The following STK3 variants were observed in gnomAD, a reference collection of about 807,000 sequenced individuals.
The protein encoded by STK3 is serine/threonine kinase 3.
Under a neutral mutation model 58.0 loss-of-function variants are expected in STK3, and 41 were observed. That is an observed-to-expected ratio of 0.71 (90% CI 0.55 to 0.92). The LOEUF (loss-of-function observed/expected upper bound fraction) is 0.92, where lower values mean the gene tolerates loss of function less well. Ranked by LOEUF, STK3 falls within the 40% of genes least tolerant of loss-of-function variation. The pLI, the probability that STK3 is intolerant of heterozygous loss-of-function variation, is 0.00. For synonymous variants in STK3, 170 were observed against 191.0 expected (o/e 0.89, Z 0.91); for missense variants, 479 against 602.7 (o/e 0.79, Z 2.15).
At chr8:98,507,385 T>C (rs1430209263) in intron 10 of STK3, among the ~76,000 whole-genome samples, 2 of 152,192 alleles carry the variant, frequency 1.3e-5, no homozygotes, top group African/African-American at 4.8e-5. Flanking sequence ...TTCATTCTCA[T>C]ATTCAGTCAG....
intron 6 of STK3, among the ~76,000 whole-genome samples, chr8:98,638,762 G>C (rs1819797632): frequency 6.6e-6 from 1 of 152,168 alleles, no homozygotes; most frequent in Non-Finnish European, 1.5e-5. Flanking sequence ...GGCAGCAGTG[G>C]GGTCAGAGCA....
intron 4 of STK3, among the ~76,000 whole-genome samples, chr8:98,735,441 C>G (rs1330233312): frequency 6.6e-6 from 1 of 152,064 alleles, no homozygotes; most frequent in Non-Finnish European, 1.5e-5. Flanking sequence ...AAATCAGTTA[C>G]TGAATGTGAA....
intron 1 of STK3, among the ~76,000 whole-genome samples, chr8:98,904,178 G>C (rs895647450): frequency 6.6e-6 from 1 of 152,284 alleles, no homozygotes; most frequent in Non-Finnish European, 1.5e-5. Context: ...TTCAATGTTA[G>C]AGTCCAGAAC....
At chr8:98,351,460 T>C in the STK3 span, among the ~76,000 whole-genome samples, 163 of 152,324 alleles carry the variant, frequency 1.1e-3, 3 homozygotes, top group South Asian at 0.032. Flanking sequence ...GTATGCAATA[T>C]GGGATAAAAC....
At chr8:98,681,187 C>T (rs1396948096) in intron 6 of STK3, among the ~76,000 whole-genome samples, 3 of 151,964 alleles carry the variant, frequency 2.0e-5, no homozygotes, top group Non-Finnish European at 4.4e-5. Flanking sequence ...TTAGTGGAGA[C>T]AGGGTTTCAC....
intron 3 of STK3, among the ~76,000 whole-genome samples, chr8:98,831,306 G>A (rs1835527227): frequency 6.6e-6 from 1 of 152,178 alleles, no homozygotes; most frequent in African/African-American, 2.4e-5. Context: ...AGGCTGGAGT[G>A]TAGTGACACA....
intron 10 of STK3, among the ~76,000 whole-genome samples, chr8:98,524,327 T>C (rs1273376206): frequency 1.3e-5 from 2 of 152,226 alleles, no homozygotes; most frequent in African/African-American, 4.8e-5. Flanking sequence ...TTGTTTTGAC[T>C]AATTAGGGTC....
In STK3 at chr8:98,786,240, G is replaced by A. The variant is rs145200490; in HGVS notation, c.27-11421C>T. Among the ~76,000 whole-genome samples, 58 of 152,262 alleles carry A rather than the reference G, an allele frequency of 3.8e-4. 1 individual carries two copies. The East Asian group carries it at 0.011, about 28-fold the overall frequency. On this transcript the variant is annotated intron_variant, in intron 1 of 10. Coordinates refer to ENST00000419617, the MANE Select transcript of STK3 (RefSeq NM_006281.4). ...TAACTGAAAGCTTTATCAATAGACTGGACCAAGCAAAAGAAAGAATTTCAG... is the reference window on the plus strand; with the variant it reads ...TAACTGAAAGCTTTATCAATAGACTAGACCAAGCAAAAGAAAGAATTTCAG...
At chr8:98,435,538 T>C (rs752217557) in intron 2 of STK3, among the ~76,000 whole-genome samples, 1 of 151,450 alleles carries the variant, frequency 6.6e-6, no homozygotes, top group Non-Finnish European at 1.5e-5. Context: ...GAGGTCACGG[T>C]CACAGTATAG....
Position 98,455,810 on chromosome 8 carries a change from C to A in STK3, c.*32G>T. On this transcript the variant is annotated 3_prime_UTR_variant, in exon 11 of 11. Coordinates refer to ENST00000419617, the MANE Select transcript of STK3 (RefSeq NM_006281.4). ...CAATTCCTAGTGGTTTCTTGGTCTC[C>A]AGAATAGTTAAAAACAGAGAGGAAA... is the stretch of plus-strand genomic sequence containing the variant. 4.3e-6 allele frequency: 7 copies of A among 1,610,948 alleles called. No homozygotes were observed. In the South Asian group the frequency reaches 7.7e-5, roughly 18 times the overall value.
chr8:98,863,253 C>T (rs147046076), intron 3 of STK3, among the ~76,000 whole-genome samples: 19 of 152,264 alleles, frequency 1.2e-4, no homozygotes, highest in African/African-American at 4.3e-4. Flanking sequence ...TTGATAAGAG[C>T]AGCATTTGCC....
intron 6 of STK3, among the ~76,000 whole-genome samples, chr8:98,610,627 T>G (rs1304743714): frequency 6.6e-6 from 1 of 152,128 alleles, no homozygotes; most frequent in Non-Finnish European, 1.5e-5. Context: ...TCTGTCCTAA[T>G]GAGGAAAAGC....
At chr8:98,671,976 C>T (rs1466141407) in intron 6 of STK3, among the ~76,000 whole-genome samples, 1 of 152,176 alleles carries the variant, frequency 6.6e-6, no homozygotes, top group Non-Finnish European at 1.5e-5. Flanking sequence ...CTCATTCTCT[C>T]TCCTGCCACC....
At chr8:98,434,751 G>A (rs1024318797) in intron 2 of STK3, among the ~76,000 whole-genome samples, 1 of 152,178 alleles carries the variant, frequency 6.6e-6, no homozygotes, top group Non-Finnish European at 1.5e-5. Context: ...CCTTGGAGTT[G>A]TGTAAGGCCC....
At chr8:98,779,901 T>C (rs1042809296) in intron 1 of STK3, among the ~76,000 whole-genome samples, 1 of 151,780 alleles carries the variant, frequency 6.6e-6, no homozygotes, top group African/African-American at 2.4e-5. Flanking sequence ...AATGAATGAA[T>C]GAATGAATAT....
chr8:98,586,573 C>T (rs1325579693), intron 7 of STK3, among the ~76,000 whole-genome samples: 10 of 149,676 alleles, frequency 6.7e-5, no homozygotes, highest in African/African-American at 1.5e-4. Flanking sequence ...TTGGTTGTGT[C>T]TCTGCCCGGC....
the STK3 span, among the ~76,000 whole-genome samples, chr8:98,352,487 G>A: frequency 1.3e-5 from 2 of 152,158 alleles, no homozygotes; most frequent in East Asian, 3.8e-4. Context: ...GCAAGTGAAT[G>A]ACGATGGCAT....
At chr8:98,520,494 G>C (rs546633073) in intron 10 of STK3, among the ~76,000 whole-genome samples, 1 of 152,132 alleles carries the variant, frequency 6.6e-6, no homozygotes, top group South Asian at 2.1e-4. Context: ...AATAAGTTTT[G>C]TCCTTTAGGA....
chr8:98,718,120 G>T (rs774539983), intron 4 of STK3, among the ~76,000 whole-genome samples: 1 of 152,064 alleles, frequency 6.6e-6, no homozygotes, highest in Non-Finnish European at 1.5e-5. Context: ...AAGAGTTAGG[G>T]GGATGGATAA....
Sources: allele counts gnomAD v4.1 joint callset (sites outside exome capture counted in the v4.1 genomes callset), GRCh38; gene constraint gnomAD v4.1.1; transcripts MANE v1.5; gene names NCBI Gene and HGNC (gene_info 2026-07-23, HGNC 2026-07-21).